The following FOXP2 variants were observed in gnomAD, a reference collection of about 807,000 sequenced individuals.
The protein encoded by FOXP2 is forkhead box P2.
A neutral mutation model predicts 115.8 loss-of-function variants in FOXP2; 12 were observed. The observed-to-expected ratio is 0.10, with a 90% CI of 0.07 to 0.17. The LOEUF (loss-of-function observed/expected upper bound fraction) is 0.17, where lower values mean the gene tolerates loss of function less well. FOXP2 is among the 10% of genes least tolerant of loss of function. FOXP2 has a pLI of 1.00. For synonymous variants in FOXP2, 328 were observed against 297.7 expected (o/e 1.10, Z -1.05); for missense variants, 629 against 843.5 (o/e 0.75, Z 3.15).
At chr7:114,674,428 T>A (rs1807653480) in intron 16 of FOXP2, among the ~76,000 whole-genome samples, 1 of 152,196 alleles carries the variant, frequency 6.6e-6, no homozygotes, top group Admixed American at 6.5e-5. Flanking sequence ...ATTTTCGTTT[T>A]CATCAAGGGA....
intron 1 of FOXP2, among the ~76,000 whole-genome samples, chr7:114,219,742 G>A (rs1049814322): frequency 6.6e-6 from 1 of 151,382 alleles, no homozygotes; most frequent in African/African-American, 2.4e-5. Flanking sequence ...AATAATTTTC[G>A]CCTTTAATCC....
chr7:114,468,932 CT>C, intron 2 of FOXP2, among the ~76,000 whole-genome samples: 1 of 152,182 alleles, frequency 6.6e-6, no homozygotes, highest in East Asian at 1.9e-4. Flanking sequence ...GAAAATTGTT[CT>C]TTCTGCTTTT....
intron 1 of FOXP2, among the ~76,000 whole-genome samples, chr7:114,220,006 A>G (rs1794582811): frequency 6.6e-6 from 1 of 151,122 alleles, no homozygotes; most frequent in African/African-American, 2.4e-5. Flanking sequence ...AGCTGGGACT[A>G]CAGGCGCGCA....
At chr7:114,100,371 A>G (rs1181226469) in intron 1 of FOXP2, among the ~76,000 whole-genome samples, 1 of 152,188 alleles carries the variant, frequency 6.6e-6, no homozygotes, top group Non-Finnish European at 1.5e-5. Context: ...ATACCGTACT[A>G]TAAGTGTTGC....
intron 3 of FOXP2, among the ~76,000 whole-genome samples, chr7:114,559,762 G>C (rs1405766318): frequency 6.6e-6 from 1 of 151,862 alleles, no homozygotes; most frequent in East Asian, 1.9e-4. Context: ...GGTGGCCGGC[G>C]CCTGTAGTCC....
At chr7:114,465,853 C>A (rs1795776587) in intron 2 of FOXP2, among the ~76,000 whole-genome samples, 2 of 152,102 alleles carry the variant, frequency 1.3e-5, no homozygotes, top group Admixed American at 1.3e-4. Context: ...TTAATGACAC[C>A]TTACCTGATG....
chr7:114,313,582 A>G lies in FOXP2; in HGVS notation c.-11+25473A>G, dbSNP rs1468762004. Among the ~76,000 whole-genome samples, 2 of 101,978 alleles carry G rather than the reference A, an allele frequency of 2.0e-5. 1 individual carries two copies. The highest frequency in any genetic ancestry group is 3.6e-5 in the Non-Finnish European group (2 of 55,448). The allele number at this position is 101,978 out of a possible 152,430, so 66.9% of individuals were successfully genotyped here. A position where few individuals can be genotyped will look rare whatever the true frequency, so the allele number is the denominator to read the frequency against. On this transcript the variant is annotated intron_variant, in intron 2 of 17. Coordinates refer to the FOXP2 transcript ENST00000634411. ...AAAACGGTGAAACCCCGTCTCTACT[A>G]AAAATACAAAAAATTAGCCGGGCGT...
At chr7:114,527,515 C>T (rs1798936886) in intron 2 of FOXP2, among the ~76,000 whole-genome samples, 1 of 152,068 alleles carries the variant, frequency 6.6e-6, no homozygotes, top group South Asian at 2.1e-4. Context: ...TACCAACAAT[C>T]TAATAAACTC....
Position 114,201,583 on chromosome 7 carries a change from G to A in FOXP2, c.-102+38495G>A, listed in dbSNP as rs566452768. 3.7e-4 allele frequency among the ~76,000 whole-genome samples: 56 copies of A among 151,970 alleles called. 1 individual carries two copies. The highest frequency in any genetic ancestry group is 3.1e-4 in the Non-Finnish European group (21 of 67,944). On this transcript the variant is annotated intron_variant, in intron 1 of 17. Coordinates refer to the FOXP2 transcript ENST00000634411. Reference sequence around the variant, plus strand: ...TTTTGTTTTCTTATTTAATTTTATCGTACCTTCTCTATTAAAGGATTATAG... The same window carrying A: ...TTTTGTTTTCTTATTTAATTTTATCATACCTTCTCTATTAAAGGATTATAG...
chr7:114,351,366 AAAT>A (rs1378678205), intron 2 of FOXP2, among the ~76,000 whole-genome samples: 1 of 152,156 alleles, frequency 6.6e-6, no homozygotes, highest in Non-Finnish European at 1.5e-5. Flanking sequence ...TATTAAATGT[AAAT>A]ACCTGACAGT....
intron 1 of FOXP2, among the ~76,000 whole-genome samples, chr7:114,188,446 T>C (rs1793669229): frequency 1.3e-5 from 2 of 152,224 alleles, no homozygotes; most frequent in African/African-American, 4.8e-5. Context: ...GTTTGCTCCT[T>C]ATACTTTGGG....
upstream of FOXP2, chr7:114,086,646 C>T: frequency 2.7e-6 from 1 of 370,334 alleles, no homozygotes; most frequent in South Asian, 1.9e-5. Flanking sequence ...GCGCGCTACA[C>T]CTCCGCACCC....
chr7:114,127,498 A>G (rs1791747508), intron 1 of FOXP2, among the ~76,000 whole-genome samples: 1 of 152,304 alleles, frequency 6.6e-6, no homozygotes, highest in African/African-American at 2.4e-5. Context: ...TAGAATTCAG[A>G]AAGGTGTAAC....
rs1163827553 is a variant in FOXP2, at chr7:114,329,688, ATTTT to A, written c.-11+41580_-11+41583del. ...TATTTATTTATTTATTTATTTATTTATTTTATGAGATGCAGTCTTGCTCTGTTGC... is the reference window on the plus strand; with the variant it reads ...TATTTATTTATTTATTTATTTATTTAATGAGATGCAGTCTTGCTCTGTTGC... On this transcript the variant is annotated intron_variant, in intron 2 of 17. Coordinates refer to the FOXP2 transcript ENST00000634411. Among the ~76,000 whole-genome samples the A allele has an allele frequency of 9.9e-3, 972 of 98,634 alleles. 5 individuals are homozygous for A. Among genetic ancestry groups the A allele is most frequent in the African/African-American group, 0.028 (760 of 27,542 alleles). 64.7% of individuals were successfully genotyped at this position (98,634 alleles called of 152,430 possible). A position where few individuals can be genotyped will look rare whatever the true frequency, so the allele number is the denominator to read the frequency against.
Position 114,693,220 on chromosome 7 carries a change from A to G in FOXP2, c.*3294A>G, listed in dbSNP as rs1292049693. 2.2e-6 allele frequency: 1 copy of G among 450,840 alleles called. No individual in the cohort carries two copies. Among genetic ancestry groups the G allele is most frequent in the East Asian group, 7.0e-5 (1 of 14,374 alleles). The allele number at this position is 450,840 out of a possible 1,614,324, so 27.9% of individuals were successfully genotyped here. A position where few individuals can be genotyped will look rare whatever the true frequency, so the allele number is the denominator to read the frequency against. ...CCACTAACTGGGTTTTCTTTAGATA[A>G]CTCAGATATGGAGAAAATGTCATCA... On this transcript the variant is annotated 3_prime_UTR_variant, in exon 17 of 17. Coordinates refer to ENST00000350908, the MANE Select transcript of FOXP2 (RefSeq NM_014491.4).
chr7:114,451,591 G>A (rs2129218856), intron 2 of FOXP2, among the ~76,000 whole-genome samples: 1 of 151,918 alleles, frequency 6.6e-6, no homozygotes, highest in South Asian at 2.1e-4. Context: ...ATTTTACTTG[G>A]CCTTAGTATA....
chr7:114,644,980 A>G, intron 8 of FOXP2, 191 bp downstream of exon 8: 1 of 518,624 alleles, frequency 1.9e-6, no homozygotes, highest in Non-Finnish European at 3.4e-6. Flanking sequence ...ATATTTTACA[A>G]ATCATTTAGT....
At chr7:114,563,272 C>T (rs974697478) in intron 3 of FOXP2, among the ~76,000 whole-genome samples, 2 of 152,206 alleles carry the variant, frequency 1.3e-5, no homozygotes, top group Non-Finnish European at 2.9e-5. Context: ...TTGAATATGA[C>T]TGACCACTTC....
At chr7:114,334,065 T>A (rs1350558149) in intron 2 of FOXP2, among the ~76,000 whole-genome samples, 1 of 152,200 alleles carries the variant, frequency 6.6e-6, no homozygotes, top group Non-Finnish European at 1.5e-5. Context: ...AAATACTTTT[T>A]TAAGAGTCAA....
Sources: gnomAD v4.1 joint callset for allele counts (sites outside exome capture counted in the v4.1 genomes callset) on GRCh38, gnomAD v4.1.1 for gene constraint, MANE v1.5 for transcripts, NCBI Gene and HGNC (gene_info 2026-07-23, HGNC 2026-07-21) for gene names.